Variants in THEMIS observed in about 807,000 individuals in gnomAD.
The protein encoded by THEMIS is thymocyte selection associated.
In THEMIS, 37 loss-of-function variants were observed where a neutral mutation model predicts 52.6. That is an observed-to-expected ratio of 0.70 (90% CI 0.54 to 0.93). The LOEUF is 0.93. THEMIS is among the 40% of genes least tolerant of loss of function. THEMIS has a pLI of 0.00. For synonymous variants in THEMIS, 292 were observed against 272.7 expected, an observed-to-expected ratio of 1.07 and a Z score of -0.70; for missense variants, 808 against 763.1, an observed-to-expected ratio of 1.06 and a Z score of -0.69.
intron 4 of THEMIS, among the ~76,000 whole-genome samples, chr6:127,738,392 A>G (rs1387827996): frequency 1.3e-5 from 2 of 152,144 alleles, no homozygotes; most frequent in African/African-American, 4.8e-5. Context: ...AGCAACATGG[A>G]AAGGCCTTAG....
chr6:127,779,831 C>G (rs1246306038), intron 4 of THEMIS, among the ~76,000 whole-genome samples: 3 of 152,122 alleles, frequency 2.0e-5, no homozygotes, highest in Non-Finnish European at 4.4e-5. Flanking sequence ...TCTAATTATA[C>G]TGTTTTATAT....
intron 4 of THEMIS, among the ~76,000 whole-genome samples, chr6:127,781,972 A>G (rs1562253416): frequency 6.6e-6 from 1 of 152,122 alleles, no homozygotes; most frequent in African/African-American, 2.4e-5. Flanking sequence ...AGGAATGTTT[A>G]AATCTGCTGA....
downstream of THEMIS, among the ~76,000 whole-genome samples, chr6:127,706,157 C>G (rs1773794374): frequency 6.6e-6 from 1 of 151,810 alleles, no homozygotes; most frequent in Admixed American, 6.6e-5. Context: ...AGAAAAGATG[C>G]AAGACTCCAA....
chr6:127,745,821 C>T (rs1323496898), intron 4 of THEMIS, among the ~76,000 whole-genome samples: 3 of 151,946 alleles, frequency 2.0e-5, no homozygotes, highest in East Asian at 3.9e-4. Flanking sequence ...AGAATATGTG[C>T]ACTCACAAAA....
At chr6:127,905,623 T>C (rs1410506154), upstream of THEMIS, among the ~76,000 whole-genome samples, 2 of 152,040 alleles carry the variant, frequency 1.3e-5, no homozygotes, top group East Asian at 1.9e-4. Context: ...TAATGGCTTG[T>C]GGAGTTTTGA....
chr6:127,701,452 G>A, the THEMIS span, among the ~76,000 whole-genome samples: 7 of 152,028 alleles, frequency 4.6e-5, no homozygotes, highest in Non-Finnish European at 1.0e-4. Context: ...CCTGGGCATG[G>A]GTTGCTTCCA....
chr6:127,902,193 G>T (rs1054091530), upstream of THEMIS, among the ~76,000 whole-genome samples: 1 of 151,716 alleles, frequency 6.6e-6, no homozygotes, highest in African/African-American at 2.4e-5. Flanking sequence ...AGGCATGGTG[G>T]CACATGCCTG....
chr6:127,791,799 G>T (rs1562260541), intron 4 of THEMIS, among the ~76,000 whole-genome samples: 1 of 152,166 alleles, frequency 6.6e-6, no homozygotes, highest in African/African-American at 2.4e-5. Context: ...TGAGGTGATA[G>T]GGGGCTGGTG....
intron 1 of THEMIS, among the ~76,000 whole-genome samples, chr6:127,864,959 C>T (rs1465483233): frequency 6.6e-6 from 1 of 152,130 alleles, no homozygotes; most frequent in Non-Finnish European, 1.5e-5. Flanking sequence ...TTCCAATTGT[C>T]CTCTCCCAGT....
chr6:127,818,275 T>C (rs1026412825), intron 3 of THEMIS, among the ~76,000 whole-genome samples: 3 of 152,090 alleles, frequency 2.0e-5, no homozygotes, highest in Non-Finnish European at 4.4e-5. Flanking sequence ...CACTAATAAC[T>C]GAAACCTAAT....
intron 4 of THEMIS, among the ~76,000 whole-genome samples, chr6:127,747,405 T>C (rs1245820933): frequency 6.8e-6 from 1 of 146,578 alleles, no homozygotes; most frequent in Non-Finnish European, 1.5e-5. Context: ...TTATCATATA[T>C]TATAGATGTA....
At chr6:127,780,974 T>C (rs1000277914) in intron 4 of THEMIS, among the ~76,000 whole-genome samples, 2 of 152,174 alleles carry the variant, frequency 1.3e-5, no homozygotes, top group Non-Finnish European at 2.9e-5. Flanking sequence ...CTGAATAATA[T>C]CCTGAAGTGT....
downstream of THEMIS, among the ~76,000 whole-genome samples, chr6:127,704,621 C>T (rs1221720354): frequency 6.6e-6 from 1 of 152,140 alleles, no homozygotes; most frequent in Non-Finnish European, 1.5e-5. Context: ...ACTGAAACTG[C>T]CCTCTTGAGC....
At chr6:127,751,244 T>C (rs913466866) in intron 4 of THEMIS, among the ~76,000 whole-genome samples, 3 of 151,792 alleles carry the variant, frequency 2.0e-5, no homozygotes, top group African/African-American at 7.2e-5. Flanking sequence ...AGTAAAAATG[T>C]AGAGTTTTTC....
At chr6:127,726,083 C>T (rs1774536151) in intron 4 of THEMIS, among the ~76,000 whole-genome samples, 1 of 152,136 alleles carries the variant, frequency 6.6e-6, no homozygotes, top group African/African-American at 2.4e-5. Context: ...TGATCAGGAA[C>T]TTCACCAGCA....
At chr6:127,749,232 C>T (rs1775552241) in intron 4 of THEMIS, among the ~76,000 whole-genome samples, 1 of 151,988 alleles carries the variant, frequency 6.6e-6, no homozygotes, top group Admixed American at 6.6e-5. Context: ...ACAGCTATGG[C>T]CTTCAGAGTA....
chr6:127,820,537 A>G (rs1297688611), intron 3 of THEMIS, among the ~76,000 whole-genome samples: 2 of 152,148 alleles, frequency 1.3e-5, no homozygotes, highest in African/African-American at 2.4e-5. Context: ...TGAGGAATGT[A>G]TAACTACTTC....
chr6:127,833,069 C>G (rs549328139), intron 2 of THEMIS, among the ~76,000 whole-genome samples: 12 of 151,808 alleles, frequency 7.9e-5, no homozygotes, highest in African/African-American at 2.9e-4. Context: ...CAGGTGTGAG[C>G]CATCACACCT....
At position 127,900,936 on chromosome 6, in the gene THEMIS, T is replaced by C; in HGVS notation, c.-4A>G. 6.2e-7 allele frequency: 1 copy of C among 1,612,214 alleles called. No homozygotes were observed. The highest frequency in any genetic ancestry group is 8.5e-7 in the Non-Finnish European group (1 of 1,178,608). On this transcript the variant is annotated 5_prime_UTR_variant, in exon 1 of 6. The change creates a new upstream start codon in the 5' untranslated region. Coordinates refer to ENST00000368248, the MANE Select transcript of THEMIS (RefSeq NM_001010923.3). ...ATTCTTCCAGTGATAATGCCATTGC[T>C]ATGCCTTGGGTAGTTTGTAGACCTG...
Sources: allele counts gnomAD v4.1 joint callset (sites outside exome capture counted in the v4.1 genomes callset), GRCh38; gene constraint gnomAD v4.1.1; transcripts MANE v1.5; gene names NCBI Gene and HGNC (gene_info 2026-07-23, HGNC 2026-07-21).